SHISA9: variants seen among roughly 807,000 people sequenced by gnomAD.
SHISA9 encodes the protein shisa family member 9, also known as protein shisa-9.
In SHISA9, 13 loss-of-function variants were observed where a neutral mutation model predicts 38.0. The observed-to-expected ratio is 0.34, with a 90% CI of 0.22 to 0.54. The LOEUF (loss-of-function observed/expected upper bound fraction) is 0.54. Ranked by LOEUF, SHISA9 falls within the 20% of genes least tolerant of loss-of-function variation. The pLI is 0.91. For missense variants in SHISA9, 538 were observed against 575.8 expected, an observed-to-expected ratio of 0.93 and a Z score of 0.67; for synonymous variants, 275 against 242.0, an observed-to-expected ratio of 1.14 and a Z score of -1.27.
chr16:13,126,246 T>G (rs918419784), intron 2 of SHISA9, among the ~76,000 whole-genome samples: 4 of 152,200 alleles, frequency 2.6e-5, no homozygotes, highest in African/African-American at 9.6e-5. Context: ...CTCCAATTCC[T>G]CTATCATAAC....
chr16:12,992,591 G>A (rs181338765), intron 2 of SHISA9, among the ~76,000 whole-genome samples: 3 of 152,008 alleles, frequency 2.0e-5, no homozygotes, highest in Admixed American at 1.3e-4. Context: ...ATTGCCCCAG[G>A]TCACAAGATA....
At chr16:13,267,168 A>G in the SHISA9 span, among the ~76,000 whole-genome samples, 2 of 152,188 alleles carry the variant, frequency 1.3e-5, no homozygotes, top group Admixed American at 1.3e-4. Flanking sequence ...ACAAACCAAG[A>G]CTTGCTAATT....
At chr16:13,087,964 T>G (rs1319230108) in intron 2 of SHISA9, among the ~76,000 whole-genome samples, 2 of 152,310 alleles carry the variant, frequency 1.3e-5, no homozygotes, top group Admixed American at 6.5e-5. Context: ...GGTCTAACAT[T>G]TAAGTCTTTA....
At chr16:13,326,546 C>T in the SHISA9 span, among the ~76,000 whole-genome samples, 2 of 152,112 alleles carry the variant, frequency 1.3e-5, no homozygotes, top group Admixed American at 6.5e-5. Flanking sequence ...CATGGTGAAA[C>T]CTCATCTCTA....
the SHISA9 span, among the ~76,000 whole-genome samples, chr16:13,401,197 C>G: frequency 6.6e-6 from 1 of 152,224 alleles, no homozygotes; most frequent in African/African-American, 2.4e-5. Context: ...CCTCCATTCA[C>G]TTCTTTGATT....
intron 2 of SHISA9, among the ~76,000 whole-genome samples, chr16:12,981,467 C>A (rs1462119532): frequency 6.6e-6 from 1 of 152,190 alleles, no homozygotes; most frequent in Non-Finnish European, 1.5e-5. Context: ...CAGATTCAAG[C>A]CATCCCCCGC....
Position 13,135,508 on chromosome 16 carries a change from A to G in SHISA9, c.692-67886A>G, listed in dbSNP as rs181743268. 4.3e-4 allele frequency among the ~76,000 whole-genome samples: 66 copies of G among 152,294 alleles called. No individual in the cohort carries two copies. In the East Asian group the frequency reaches 0.01, roughly 24 times the overall value. On this transcript the variant is annotated intron_variant, in intron 2 of 4. Coordinates refer to ENST00000558583, the MANE Select transcript of SHISA9 (RefSeq NM_001145204.3). Reference sequence around the variant, plus strand: ...TCTTGCCAGAAGGAGGACAACCCCAATGGACAATATTCCATCCAGATCTCC... The same window carrying G: ...TCTTGCCAGAAGGAGGACAACCCCAGTGGACAATATTCCATCCAGATCTCC...
At chr16:13,503,806 G>C in the SHISA9 span, among the ~76,000 whole-genome samples, 1 of 152,158 alleles carries the variant, frequency 6.6e-6, no homozygotes, top group Non-Finnish European at 1.5e-5. Flanking sequence ...TTTTCCACAT[G>C]TTCACAGTAA....
chr16:13,255,635 A>G, the SHISA9 span, among the ~76,000 whole-genome samples: 1 of 152,216 alleles, frequency 6.6e-6, no homozygotes, highest in East Asian at 1.9e-4. Flanking sequence ...TTCCACATCT[A>G]AATCTATTTC....
the SHISA9 span, among the ~76,000 whole-genome samples, chr16:13,475,685 A>G: frequency 6.6e-6 from 1 of 152,170 alleles, no homozygotes; most frequent in Non-Finnish European, 1.5e-5. Flanking sequence ...TTTTATTTCT[A>G]TTATGATAAC....
chr16:13,011,159 G>A (rs1456385217), intron 2 of SHISA9, among the ~76,000 whole-genome samples: 1 of 152,014 alleles, frequency 6.6e-6, no homozygotes, highest in African/African-American at 2.4e-5. Context: ...CACAAATGAT[G>A]ATTTTAGACA....
chr16:13,125,357 G>A (rs1410761664), intron 2 of SHISA9, among the ~76,000 whole-genome samples: 3 of 152,212 alleles, frequency 2.0e-5, no homozygotes, highest in Admixed American at 1.3e-4. Flanking sequence ...CTAATGGGAT[G>A]AGGTGTCCTG....
chr16:13,478,910 G>A, the SHISA9 span, among the ~76,000 whole-genome samples: 1 of 152,256 alleles, frequency 6.6e-6, no homozygotes, highest in East Asian at 1.9e-4. Context: ...TGTTTCTGCA[G>A]GTAACACATT....
the SHISA9 span, among the ~76,000 whole-genome samples, chr16:13,327,787 G>C: frequency 6.6e-6 from 1 of 151,950 alleles, no homozygotes; most frequent in Non-Finnish European, 1.5e-5. Context: ...CTCCCAAGTA[G>C]TTGGGATTAC....
intron 2 of SHISA9, among the ~76,000 whole-genome samples, chr16:13,178,842 TTTGTTGTTG>T (rs147399036): frequency 4.0e-5 from 6 of 151,640 alleles, no homozygotes; most frequent in Admixed American, 2.6e-4. Context: ...AGGCCAGGTT[TTTGTTGTTG>T]TTGTTGTTGT....
chr16:13,404,200 G>A, the SHISA9 span, among the ~76,000 whole-genome samples: 2 of 152,128 alleles, frequency 1.3e-5, no homozygotes, highest in South Asian at 2.1e-4. Context: ...TAGGGTATCT[G>A]TATGTAGCCA....
the SHISA9 span, among the ~76,000 whole-genome samples, chr16:13,386,641 A>T: frequency 1.3e-5 from 2 of 152,226 alleles, no homozygotes; most frequent in Non-Finnish European, 2.9e-5. Flanking sequence ...AACGTGTAGC[A>T]TGATTTTCTT....
At chr16:13,098,958 G>A (rs2073853210) in intron 2 of SHISA9, among the ~76,000 whole-genome samples, 1 of 152,244 alleles carries the variant, frequency 6.6e-6, no homozygotes, top group African/African-American at 2.4e-5. Context: ...AAAAGAAAAG[G>A]ATTGTATACA....
chr16:13,039,909 T>C (rs2073115040), intron 2 of SHISA9, among the ~76,000 whole-genome samples: 1 of 152,140 alleles, frequency 6.6e-6, no homozygotes, highest in South Asian at 2.1e-4. Flanking sequence ...TGATAAGCCA[T>C]TCTTCATCAC....
Sources: allele counts gnomAD v4.1 joint callset (sites outside exome capture counted in the v4.1 genomes callset), GRCh38; gene constraint gnomAD v4.1.1; transcripts MANE v1.5; gene names NCBI Gene and HGNC (gene_info 2026-07-23, HGNC 2026-07-21).